The following ULK2 variants were observed in gnomAD, a reference collection of about 807,000 sequenced individuals.
ULK2 encodes the protein serine/threonine-protein kinase ULK2.
Under a neutral mutation model 127.5 loss-of-function variants are expected in ULK2, and 76 were observed. The observed-to-expected ratio is 0.60, with a 90% confidence interval of 0.50 to 0.72. The LOEUF is 0.72. ULK2 is among the 30% of genes least tolerant of loss of function. The pLI is 0.00. For synonymous variants in ULK2, 452 were observed against 461.9 expected (o/e 0.98, Z 0.28); for missense variants, 1,144 against 1,295.9 (o/e 0.88, Z 1.80).
chr17:19,822,411 G>C (rs1358230256), intron 12 of ULK2, among the ~76,000 whole-genome samples: 2 of 150,810 alleles, frequency 1.3e-5, no homozygotes, highest in Admixed American at 6.6e-5. Flanking sequence ...ACCTACGCTG[G>C]AGTGCAGTGG....
rs2086754033 is a variant in ULK2, at chr17:19,772,761, C to G, written c.*3588G>C. The G allele has an allele frequency of 6.8e-6, 1 of 146,534 alleles. No individual in the cohort carries two copies. The highest frequency in any genetic ancestry group is 1.5e-5 in the Non-Finnish European group (1 of 66,904). 9.1% of individuals were successfully genotyped at this position (146,534 alleles called of 1,614,324 possible). A position where few individuals can be genotyped will look rare whatever the true frequency, so the allele number is the denominator to read the frequency against. On this transcript the variant is annotated 3_prime_UTR_variant, in exon 27 of 27. Transcript: ENST00000395544. ...CTTTGGGAGGCCGAGGCGGGCGGATCACGAGGTCAGGAGATCGAGACCATC... is the reference window on the plus strand; with the variant it reads ...CTTTGGGAGGCCGAGGCGGGCGGATGACGAGGTCAGGAGATCGAGACCATC...
At chr17:19,821,466 CTAGA>C (rs1597765208) in intron 12 of ULK2, among the ~76,000 whole-genome samples, 1 of 152,076 alleles carries the variant, frequency 6.6e-6, no homozygotes, top group East Asian at 1.9e-4. Flanking sequence ...AAAATAGCAG[CTAGA>C]TATTTACATG....
intron 5 of ULK2, 129 bp from the exon 6 acceptor site, chr17:19,847,039 AT>A: frequency 5.8e-6 from 5 of 855,816 alleles, no homozygotes; most frequent in South Asian, 5.0e-5. Context: ...ACATTTATTT[AT>A]TTTTTTAACT....
intron 11 of ULK2, 129 bp from the exon 12 acceptor site, chr17:19,825,311 C>A: frequency 1.5e-6 from 1 of 686,608 alleles, no homozygotes; most frequent in South Asian, 2.0e-5. Context: ...TATTTATTAC[C>A]ACATCTGCTG....
intron 12 of ULK2, among the ~76,000 whole-genome samples, chr17:19,819,147 T>C (rs567256493): frequency 6.6e-6 from 1 of 152,254 alleles, no homozygotes; most frequent in African/African-American, 2.4e-5. Context: ...ATCCTATATA[T>C]CCCTTAATTC....
At chr17:19,835,878 C>G (rs928591219) in intron 10 of ULK2, among the ~76,000 whole-genome samples, 56 of 151,674 alleles carry the variant, frequency 3.7e-4, no homozygotes, top group African/African-American at 1.4e-3. Flanking sequence ...TCCCAGCACT[C>G]TGGGAGGCTA....
intron 13 of ULK2, chr17:19,811,286 T>C (rs2087633777): frequency 6.6e-6 from 1 of 152,164 alleles, no homozygotes. Flanking sequence ...TGTACTTCCT[T>C]TCGTAGCTTT....
chr17:19,835,196 G>C (rs1368360873), intron 10 of ULK2, among the ~76,000 whole-genome samples: 1 of 150,630 alleles, frequency 6.6e-6, no homozygotes, highest in Non-Finnish European at 1.5e-5. Context: ...ACCCAGGCTG[G>C]AGGAGTGTAG....
chr17:19,799,897 G>A (rs2087359635), intron 16 of ULK2, among the ~76,000 whole-genome samples: 1 of 152,224 alleles, frequency 6.6e-6, no homozygotes, highest in African/African-American at 2.4e-5. Flanking sequence ...GTCCGGGCTT[G>A]TGGAGCTGCA....
At chr17:19,855,315 A>T (rs1327725100) in intron 3 of ULK2, among the ~76,000 whole-genome samples, 2 of 151,834 alleles carry the variant, frequency 1.3e-5, no homozygotes, top group Non-Finnish European at 2.9e-5. Flanking sequence ...GAGGCAGGAG[A>T]ATGGCGTGAA....
chr17:19,825,613 G>A (rs1218147910), intron 11 of ULK2, among the ~76,000 whole-genome samples: 2 of 151,942 alleles, frequency 1.3e-5, no homozygotes, highest in African/African-American at 2.4e-5. Flanking sequence ...CAGAGGCTGA[G>A]GCAGGAGAAT....
intron 12 of ULK2, among the ~76,000 whole-genome samples, chr17:19,823,126 A>ATTTTTTTTTTTT (rs3884213): frequency 0.013 from 1,495 of 113,088 alleles, 162 homozygotes; most frequent in African/African-American, 0.054. Flanking sequence ...ACGCCTGGCT[A>ATTTTTTTTTTTT]TTTTTTTTTT....
intron 6 of ULK2, among the ~76,000 whole-genome samples, chr17:19,846,085 C>G (rs943131569): frequency 6.6e-6 from 1 of 152,156 alleles, no homozygotes; most frequent in Non-Finnish European, 1.5e-5. Flanking sequence ...GAGATCGTGC[C>G]ACAGCACTCC....
intron 13 of ULK2, among the ~76,000 whole-genome samples, chr17:19,814,439 T>TATATATATATATATACACATATATA (rs1491246393): frequency 1.0e-4 from 1 of 10,004 alleles, no homozygotes; most frequent in African/African-American, 2.1e-4. Flanking sequence ...TATATATATA[T>TATATATATATATATACACATATATA]TTTTTTTTTT....
At chr17:19,794,382 A>G (rs1220074727) in intron 20 of ULK2, among the ~76,000 whole-genome samples, 1 of 152,094 alleles carries the variant, frequency 6.6e-6, no homozygotes, top group East Asian at 1.9e-4. Context: ...ATGGCTGAAA[A>G]ACTTCCAAAA....
intron 10 of ULK2, among the ~76,000 whole-genome samples, chr17:19,834,089 A>G (rs776585822): frequency 1.1e-4 from 17 of 152,174 alleles, no homozygotes. Context: ...ATCACCTACT[A>G]GGGAAACCTA....
intron 20 of ULK2, among the ~76,000 whole-genome samples, chr17:19,791,732 C>A (rs2087156754): frequency 1.3e-5 from 2 of 151,466 alleles, no homozygotes; most frequent in South Asian, 4.2e-4. Context: ...GTGGTACACA[C>A]CTGTAATCCC....
Position 19,772,803 on chromosome 17 carries a change from CTG to C in ULK2, c.*3544_*3545del, listed in dbSNP as rs2086754699. On this transcript the variant is annotated 3_prime_UTR_variant, in exon 27 of 27. Coordinates refer to ENST00000395544, the MANE Select transcript of ULK2 (RefSeq NM_014683.4). ...GAGACCATCCTAACACGGTGAAACC[CTG>C]CCTCTACTAAAAAATACAAAAAATC... 6.6e-6 allele frequency: 1 copy of C among 151,542 alleles called. No homozygotes were observed. Among genetic ancestry groups the C allele is most frequent in the East Asian group, 2.0e-4 (1 of 5,094 alleles). The allele number at this position is 151,542 out of a possible 1,614,324, so 9.4% of individuals were successfully genotyped here. A position where few individuals can be genotyped will look rare whatever the true frequency, so the allele number is the denominator to read the frequency against.
chr17:19,851,224 G>A (rs1381869355), intron 3 of ULK2, among the ~76,000 whole-genome samples: 2 of 150,402 alleles, frequency 1.3e-5, no homozygotes, highest in African/African-American at 2.5e-5. Flanking sequence ...CTACTTGGGA[G>A]GCTGAGGTAG....
Sources: gnomAD v4.1 joint callset for allele counts (sites outside exome capture counted in the v4.1 genomes callset) on GRCh38, gnomAD v4.1.1 for gene constraint, MANE v1.5 for transcripts, NCBI Gene and HGNC (gene_info 2026-07-23, HGNC 2026-07-21) for gene names.